The following PPA2 variants were observed in gnomAD, a reference collection of about 807,000 sequenced individuals.
PPA2 encodes inorganic pyrophosphatase 2.
In PPA2, 48 loss-of-function variants were observed where a neutral mutation model predicts 49.5. That is an observed-to-expected ratio of 0.97 (90% confidence interval 0.77 to 1.23). PPA2 has a LOEUF of 1.23. Ranked by LOEUF, PPA2 falls within the 50% of genes most tolerant of loss-of-function variation. The pLI, the probability that PPA2 is intolerant of heterozygous loss-of-function variation, is 0.00. For synonymous variants in PPA2, 131 were observed against 139.9 expected, an observed-to-expected ratio of 0.94 and a Z score of 0.45; for missense variants, 429 against 410.1, an observed-to-expected ratio of 1.05 and a Z score of -0.40.
chr4:105,446,250 A>T, intron 5 of PPA2, 133 bp downstream of exon 5: 1 of 950,638 alleles, frequency 1.1e-6, no homozygotes, highest in Non-Finnish European at 1.5e-6. Context: ...CATCCACGTT[A>T]ATAAATTCCA....
intron 10 of PPA2, among the ~76,000 whole-genome samples, chr4:105,376,435 A>T (rs1275834563): frequency 6.6e-6 from 1 of 152,208 alleles, no homozygotes; most frequent in Non-Finnish European, 1.5e-5. Flanking sequence ...TTACTTCAAA[A>T]CACCATCCAT....
intron 7 of PPA2, among the ~76,000 whole-genome samples, chr4:105,409,689 C>T (rs1722661013): frequency 6.6e-6 from 1 of 152,208 alleles, no homozygotes; most frequent in South Asian, 2.1e-4. Flanking sequence ...GACAAAGCTT[C>T]CAGAGGAAGG....
At chr4:105,440,540 C>A (rs1430369901) in intron 5 of PPA2, among the ~76,000 whole-genome samples, 1 of 152,126 alleles carries the variant, frequency 6.6e-6, no homozygotes, top group Non-Finnish European at 1.5e-5. Flanking sequence ...GGATTACAAG[C>A]GTGAGCCACT....
chr4:105,377,563 C>A (rs1230449110), intron 10 of PPA2, among the ~76,000 whole-genome samples: 1 of 151,942 alleles, frequency 6.6e-6, no homozygotes, highest in Non-Finnish European at 1.5e-5. Flanking sequence ...CTAACATTGA[C>A]CTGAAATAAA....
intron 2 of PPA2, among the ~76,000 whole-genome samples, chr4:105,454,578 C>T (rs568300669): frequency 1.3e-3 from 193 of 152,294 alleles, no homozygotes; most frequent in African/African-American, 4.6e-3. Context: ...TCATGATCCG[C>T]CTGCCTTGGC....
In PPA2 at chr4:105,453,497, G is replaced by T. The variant is rs908385568; in HGVS notation, c.267+101C>A. On this transcript the variant is annotated intron_variant, in intron 3 of 11. Coordinates refer to ENST00000341695, the MANE Select transcript of PPA2 (RefSeq NM_176869.3). ...CGGAATGCACATGAAAGTCTTGCAG[G>T]GGTAAAAACCTTAGAATCATTTTAC... 45 of 832,500 alleles carry T rather than the reference G, an allele frequency of 5.4e-5. No individual in the cohort carries two copies. In the South Asian group the frequency reaches 1.1e-3, roughly 21 times the overall value. 51.6% of individuals were successfully genotyped at this position (832,500 alleles called of 1,614,324 possible).
chr4:105,440,062 G>C (rs1724275738), intron 5 of PPA2, among the ~76,000 whole-genome samples: 1 of 151,756 alleles, frequency 6.6e-6, no homozygotes, highest in East Asian at 1.9e-4. Flanking sequence ...ATATCTGAGA[G>C]GTTCCTCCTT....
At chr4:105,473,759 G>C in intron 1 of PPA2, 135 bp downstream of exon 1, 1 of 1,323,310 alleles carries the variant, frequency 7.6e-7, no homozygotes, top group South Asian at 1.2e-5. Flanking sequence ...AAGGTGGCCT[G>C]GACCGCGCGG....
chr4:105,400,854 G>A (rs1734336068), intron 7 of PPA2, among the ~76,000 whole-genome samples: 1 of 151,946 alleles, frequency 6.6e-6, no homozygotes, highest in African/African-American at 2.4e-5. Context: ...AATAAGCAAA[G>A]ACACAAATTA....
At chr4:105,403,983 T>C (rs1722341951) in intron 7 of PPA2, among the ~76,000 whole-genome samples, 1 of 151,850 alleles carries the variant, frequency 6.6e-6, no homozygotes, top group Non-Finnish European at 1.5e-5. Context: ...AAGACTTCAA[T>C]ATTACCCACA....
intron 6 of PPA2, among the ~76,000 whole-genome samples, chr4:105,425,419 C>G (rs566869251): frequency 6.6e-6 from 1 of 152,078 alleles, no homozygotes; most frequent in Non-Finnish European, 1.5e-5. Context: ...CATATATAAT[C>G]TGAAAAGAAA....
chr4:105,373,957 T>C (rs1281211625), intron 10 of PPA2, among the ~76,000 whole-genome samples: 1 of 152,270 alleles, frequency 6.6e-6, no homozygotes, highest in East Asian at 1.9e-4. Context: ...CTACAGTCAA[T>C]GATTTCCTGG....
intron 7 of PPA2, among the ~76,000 whole-genome samples, chr4:105,402,508 C>T (rs1430298548): frequency 2.0e-5 from 3 of 152,100 alleles, no homozygotes; most frequent in Non-Finnish European, 4.4e-5. Flanking sequence ...ATCTTCTGAA[C>T]TAAGGGTGTG....
At chr4:105,448,865 A>G (rs1722530656) in intron 4 of PPA2, among the ~76,000 whole-genome samples, 1 of 152,024 alleles carries the variant, frequency 6.6e-6, no homozygotes, top group Non-Finnish European at 1.5e-5. Context: ...TGAAAAAAAA[A>G]CTCTCTATAA....
Position 105,424,271 on chromosome 4 carries a change from G to A in PPA2, c.580C>T (p.Leu194Phe), listed in dbSNP as rs567626503. Residue 194 changes from leucine to phenylalanine, a missense_variant, in exon 7 of 12, where the codon CTT becomes TTT. By Grantham distance (22) the Leu-to-Phe change is conservative (BLOSUM62 0). Coordinates refer to ENST00000341695, the MANE Select transcript of PPA2 (RefSeq NM_176869.3). ...CAATCTGTTTCACCTTCATCAATAA[G>A]AGCCAAAATTCCAAGGATCTTCACA... ...IHVKILGILALIDEGETDWKL... is the reference protein window; with the variant it reads ...IHVKILGILAFIDEGETDWKL... 1.9e-6 allele frequency: 3 copies of A among 1,606,426 alleles called. No homozygotes were observed. Among genetic ancestry groups the A allele is most frequent in the Non-Finnish European group, 2.5e-6 (3 of 1,177,892 alleles).
At chr4:105,473,647 C>A (rs769382475) in intron 1 of PPA2, 5 of 743,532 alleles carry the variant, frequency 6.7e-6, no homozygotes, top group African/African-American at 1.7e-5. Context: ...CTATCTACCC[C>A]CCAGCCGGCA....
rs528047279 is a variant in PPA2 at position 105,456,938 on chromosome 4, C to T, written c.158-193G>A. On this transcript the variant is annotated intron_variant, in intron 1 of 11. Transcript: ENST00000341695. ...CTAAGGACCGAAAAGAAATATATAC[C>T]GGCTAAACCATATTTGGGTTGCTGA... is the stretch of plus-strand genomic sequence containing the variant. Among the ~76,000 whole-genome samples the T allele has an allele frequency of 6.6e-5, 10 of 152,068 alleles. No homozygotes were observed. The South Asian group carries it at 2.1e-3, about 32-fold the overall frequency.
At chr4:105,392,819 A>T (rs555606944) in intron 9 of PPA2, among the ~76,000 whole-genome samples, 1 of 152,246 alleles carries the variant, frequency 6.6e-6, no homozygotes, top group Non-Finnish European at 1.5e-5. Flanking sequence ...TGAGGAACTT[A>T]TATTCTAGAG....
rs1235248796 is a variant in PPA2, at chr4:105,399,463, TCA to T, written c.656-301_656-300del. On this transcript the variant is annotated intron_variant, in intron 7 of 11. Transcript: ENST00000341695. ...AACAAAGTTCTTTTCATCAAGATAC[TCA>T]GTTTTTAACTCAGGGAAAGAGACAA... 5 of 203,552 alleles carry T rather than the reference TCA, an allele frequency of 2.5e-5. No homozygotes were observed. In the East Asian group the frequency reaches 5.6e-4, roughly 23 times the overall value. 12.6% of individuals were successfully genotyped at this position (203,552 alleles called of 1,614,324 possible). A position where few individuals can be genotyped will look rare whatever the true frequency, so the allele number is the denominator to read the frequency against.
Sources: allele counts gnomAD v4.1 joint callset (sites outside exome capture counted in the v4.1 genomes callset), GRCh38; gene constraint gnomAD v4.1.1; transcripts MANE v1.5; gene names NCBI Gene and HGNC (gene_info 2026-07-23, HGNC 2026-07-21).